KCNA7: variants seen among roughly 807,000 people sequenced by gnomAD.
The protein encoded by KCNA7 is potassium channel, voltage gated shaker related subfamily A, member 7.
KCNA7 carries 15 observed loss-of-function variants against 21.5 expected under a neutral mutation model. The observed-to-expected ratio is 0.70, with a 90% CI of 0.47 to 1.07. KCNA7 has a LOEUF of 1.07. Among genes scored for constraint, KCNA7 ranks in the 50% least tolerant of loss-of-function variants. KCNA7 has a pLI of 0.00. For missense variants in KCNA7, 640 were observed against 651.6 expected, an observed-to-expected ratio of 0.98 and a Z score of 0.19; for synonymous variants, 298 against 291.0, an observed-to-expected ratio of 1.02 and a Z score of -0.24.
At position 49,070,208 on chromosome 19, in the gene KCNA7, T is replaced by C. The variant is rs767165812; in HGVS notation, c.1226A>G (p.Glu409Gly). 3.7e-6 allele frequency: 6 copies of C among 1,614,200 alleles called. No homozygotes were observed. Among genetic ancestry groups the C allele is most frequent in the Middle Eastern group, 1.6e-4 (1 of 6,062 alleles). ...GTCCACATGGCTGAACATCCCAGCCTCTTCGCCCTCTGTCTCCCGGTGATA... is the reference window on the plus strand; with the variant it reads ...GTCCACATGGCTGAACATCCCAGCCCCTTCGCCCTCTGTCTCCCGGTGATA... ...YFYHRETEGEEAGMFSHVDMQ... is the reference protein window; with the variant it reads ...YFYHRETEGEGAGMFSHVDMQ... Residue 409 changes from glutamate to glycine, a missense_variant, in exon 2 of 2, where the codon GAG becomes GGG. Physicochemically the swap from Glu to Gly is moderately conservative, Grantham distance 98. Transcript: ENST00000221444. The surrounding 1 kb of genome is among the most constrained non-coding windows in gnomAD (Gnocchi z 4.3).
chr19:49,071,413 G>T (rs559466558), intron 1 of KCNA7, among the ~76,000 whole-genome samples: 1 of 151,976 alleles, frequency 6.6e-6, no homozygotes, highest in East Asian at 1.9e-4. Context: ...AAAATTAGCC[G>T]GGCGTGGTGG....
Position 49,072,266 on chromosome 19 carries a change from C to G in KCNA7, c.320G>C (p.Arg107Pro), listed in dbSNP as rs2040264747. Residue 107 changes from arginine to proline, a missense_variant, in exon 1 of 2, where the codon CGC becomes CCC. By Grantham distance (103) the Arg-to-Pro change is moderately radical. Coordinates refer to ENST00000221444, the MANE Select transcript of KCNA7 (RefSeq NM_031886.3). ...GLGAAALARL[R>P]EDEGCPVPPE... ...CGGCACCGGGCAGCCCTCGTCCTCG[C>G]GCAGGCGTGCCAGGGCCGCCGCGCC... 2 of 1,586,596 alleles carry G rather than the reference C, an allele frequency of 1.3e-6. No individual in the cohort carries two copies. Among genetic ancestry groups the G allele is most frequent in the East Asian group, 4.6e-5 (2 of 43,254 alleles).
Position 49,071,918 on chromosome 19 carries a change from C to T in KCNA7, c.555+113G>A, listed in dbSNP as rs1342136988. 6.1e-5 allele frequency: 46 copies of T among 754,558 alleles called. No individual in the cohort carries two copies. In the African/African-American group the frequency reaches 7.6e-4, roughly 12 times the overall value. 46.7% of individuals were successfully genotyped at this position (754,558 alleles called of 1,614,324 possible). ...CGCCTCCCGCCCACCCTGTCTTCGG[C>T]TGGCCCACCCCTCGCAGCCCCTGGC... On this transcript the variant is annotated intron_variant, in intron 1 of 1. Transcript: ENST00000221444.
rs12975537 is a variant in KCNA7, at chr19:49,070,108, A to T, written c.1326T>A (p.Pro442=). 7.7e-7 allele frequency: 1 copy of T among 1,294,352 alleles called. No homozygotes were observed. The highest frequency in any genetic ancestry group is 1.0e-6 in the Non-Finnish European group (1 of 965,458). The allele number at this position is 1,294,352 out of a possible 1,614,324, so 80.2% of individuals were successfully genotyped here. A position where few individuals can be genotyped will look rare whatever the true frequency, so the allele number is the denominator to read the frequency against. Residue 442 remains proline (P), a synonymous_variant, in exon 2 of 2, where the codon CCT becomes CCA. Coordinates refer to ENST00000221444, the MANE Select transcript of KCNA7 (RefSeq NM_031886.3). This position sits in a 1 kb window ranked among gnomAD's most constrained non-coding sequence, Gnocchi z 4.3. ...LVDGEVPELP[P]PLWAPPGKHL... ...GTTTCCCTGGGGGTGCCCAGAGTGG[A>T]GGTGGTAGCTCAGGTACCTCCCCGT...
Position 49,070,024 on chromosome 19 carries a change from T to G in KCNA7, c.*39A>C. 25 of 1,070,014 alleles carry G rather than the reference T, an allele frequency of 2.3e-5. No individual in the cohort carries two copies. Among genetic ancestry groups the G allele is most frequent in the Non-Finnish European group, 2.9e-5 (22 of 749,138 alleles). 66.3% of individuals were successfully genotyped at this position (1,070,014 alleles called of 1,614,324 possible). A position where few individuals can be genotyped will look rare whatever the true frequency, so the allele number is the denominator to read the frequency against. ...CTCCACCCTGCCCTCCCTCCCTCCC[T>G]CTAGGGAGGTGTGAGGTCCTGCAGA... On this transcript the variant is annotated 3_prime_UTR_variant, in exon 2 of 2. Transcript: ENST00000221444. The surrounding 1 kb of genome is among the most constrained non-coding windows in gnomAD (Gnocchi z 4.3).
At chr19:49,071,373 C>T (rs2040256416) in intron 1 of KCNA7, among the ~76,000 whole-genome samples, 2 of 151,990 alleles carry the variant, frequency 1.3e-5, no homozygotes, top group Non-Finnish European at 1.5e-5. Context: ...CTGGCCAACA[C>T]GGTGAAACCC....
rs1398988090 is a variant in KCNA7, at chr19:49,072,094, C to T, written c.492G>A (p.Thr164=). The change falls in exon 1 of 2, where the codon ACG becomes ACA. Residue 164 remains threonine (T), a synonymous_variant. Coordinates refer to ENST00000221444, the MANE Select transcript of KCNA7 (RefSeq NM_031886.3). ...LVSIVVFCLE[T]LPDFRDDRDG... is the part of the protein sequence containing the mutation. ...CGCGGTCGTCGCGGAAGTCAGGCAG[C>T]GTCTCGAGGCAGAAGACGACGATGG... 3.1e-6 allele frequency: 5 copies of T among 1,611,866 alleles called. No homozygotes were observed. The highest frequency in any genetic ancestry group is 2.2e-5 in the East Asian group (1 of 44,840).
At position 49,072,062 on chromosome 19, in the gene KCNA7, G is replaced by A; in HGVS notation, c.524C>T (p.Thr175Met). The A allele has an allele frequency of 6.2e-7, 1 of 1,608,546 alleles. No individual in the cohort carries two copies. Among genetic ancestry groups the A allele is most frequent in the East Asian group, 2.2e-5 (1 of 44,770 alleles). The stretch of plus-strand genomic sequence containing the variant: ...GGCTGCGGCTGCAGCAGCAAGCCCC[G>A]TGCCGTCGCGGTCGTCGCGGAAGTC... ...LPDFRDDRDGTGLAAAAAAGP... is the reference protein window; with the variant it reads ...LPDFRDDRDGMGLAAAAAAGP... The change falls in exon 1 of 2, where the codon ACG becomes ATG. Residue 175 changes from threonine to methionine, a missense_variant. By Grantham distance (81) the Thr-to-Met change is moderately conservative (BLOSUM62 -1). Transcript: ENST00000221444.
In KCNA7 at chr19:49,072,088, A is replaced by G. The variant is rs748946301; in HGVS notation, c.498T>C (p.Pro166=). 1.9e-6 allele frequency: 3 copies of G among 1,611,724 alleles called. No individual in the cohort carries two copies. The highest frequency in any genetic ancestry group is 2.5e-6 in the Non-Finnish European group (3 of 1,179,478). ...SIVVFCLETL[P]DFRDDRDGTG... ...TGCCGTCGCGGTCGTCGCGGAAGTC[A>G]GGCAGCGTCTCGAGGCAGAAGACGA... is the stretch of plus-strand genomic sequence containing the variant. Residue 166 remains proline (P), a synonymous_variant, in exon 1 of 2, where the codon CCT becomes CCC. Coordinates refer to ENST00000221444, the MANE Select transcript of KCNA7 (RefSeq NM_031886.3).
rs1424353263 is a variant in KCNA7, at chr19:49,072,657, C to T, written c.-72G>A. On this transcript the variant is annotated 5_prime_UTR_variant, in exon 1 of 2. Transcript: ENST00000221444. Reference sequence around the variant, plus strand: ...GCCCGGCCCCGGTGCGGCCCCGCCTCGGCCGCCTCGGCCGCCGCCGCCGCC... The same window carrying T: ...GCCCGGCCCCGGTGCGGCCCCGCCTTGGCCGCCTCGGCCGCCGCCGCCGCC... The T allele has an allele frequency of 2.4e-5, 23 of 940,676 alleles. No individual in the cohort carries two copies. The highest frequency in any genetic ancestry group is 3.6e-5 in the African/African-American group (2 of 55,738). 58.3% of individuals were successfully genotyped at this position (940,676 alleles called of 1,614,324 possible). A position where few individuals can be genotyped will look rare whatever the true frequency, so the allele number is the denominator to read the frequency against.
chr19:49,067,661 A>C lies in KCNA7; in HGVS notation c.*2402T>G, dbSNP rs1427642655. ...GCTGATGGGGACATGTGAAGCAGAC[A>C]GACAGCCTGCCTGGCCCCTGGGGAC... On this transcript the variant is annotated 3_prime_UTR_variant, in exon 2 of 2. Transcript: ENST00000221444. 1 of 152,186 alleles carries C rather than the reference A, an allele frequency of 6.6e-6. No homozygotes were observed. The highest frequency in any genetic ancestry group is 2.4e-5 in the African/African-American group (1 of 41,434). 9.4% of individuals were successfully genotyped at this position (152,186 alleles called of 1,614,324 possible). A position where few individuals can be genotyped will look rare whatever the true frequency, so the allele number is the denominator to read the frequency against.
At position 49,070,011 on chromosome 19, in the gene KCNA7, C is replaced by G; in HGVS notation, c.*52G>C. 7.1e-7 allele frequency: 1 copy of G among 1,401,714 alleles called. No individual in the cohort carries two copies. Among genetic ancestry groups the G allele is most frequent in the Non-Finnish European group, 9.8e-7 (1 of 1,019,944 alleles). 86.8% of individuals were successfully genotyped at this position (1,401,714 alleles called of 1,614,324 possible). ...CCCCAGCCTTGCCCTCCACCCTGCCCTCCCTCCCTCCCTCTAGGGAGGTGT... is the reference window on the plus strand; with the variant it reads ...CCCCAGCCTTGCCCTCCACCCTGCCGTCCCTCCCTCCCTCTAGGGAGGTGT... On this transcript the variant is annotated 3_prime_UTR_variant, in exon 2 of 2. Transcript: ENST00000221444. The surrounding 1 kb of genome is among the most constrained non-coding windows in gnomAD (Gnocchi z 4.3).
Position 49,070,943 on chromosome 19 carries a change from A to T in KCNA7, c.556-65T>A, listed in dbSNP as rs1168091642. 3 of 1,335,640 alleles carry T rather than the reference A, an allele frequency of 2.2e-6. No individual in the cohort carries two copies. In the African/African-American group the frequency reaches 4.4e-5, roughly 20 times the overall value. 82.7% of individuals were successfully genotyped at this position (1,335,640 alleles called of 1,614,324 possible). On this transcript the variant is annotated intron_variant, in intron 1 of 1. Transcript: ENST00000221444. The surrounding 1 kb of genome is among the most constrained non-coding windows in gnomAD (Gnocchi z 4.3). Reference sequence around the variant, plus strand: ...CTAGGACACGGGGACAGCCTTAATCATCATTTAAATACCCAGCTCCTCTTT... The same window carrying T: ...CTAGGACACGGGGACAGCCTTAATCTTCATTTAAATACCCAGCTCCTCTTT...
In KCNA7 at chr19:49,070,192, G is replaced by A; in HGVS notation, c.1242C>T (p.Ser414=). The A allele has an allele frequency of 1.9e-6, 3 of 1,614,198 alleles. No individual in the cohort carries two copies. The highest frequency in any genetic ancestry group is 1.3e-5 in the African/African-American group (1 of 75,052). Residue 414 remains serine, a synonymous_variant, in exon 2 of 2, where the codon AGC becomes AGT. Transcript: ENST00000221444. This position sits in a 1 kb window ranked among gnomAD's most constrained non-coding sequence, Gnocchi z 4.3. Reference sequence around the variant, plus strand: ...GGCCACAAGGCTGCATGTCCACATGGCTGAACATCCCAGCCTCTTCGCCCT... The same window carrying A: ...GGCCACAAGGCTGCATGTCCACATGACTGAACATCCCAGCCTCTTCGCCCT... ...ETEGEEAGMF[S]HVDMQPCGPL... is the part of the protein sequence containing the mutation.
Position 49,070,248 on chromosome 19 carries a change from T to A in KCNA7, c.1186A>T (p.Asn396Tyr). ...TCCCGGTGATAAAAGTAGCTGAAAT[T>A]GGAGACAATGACGGGCACTGGCAGG... ...ISLPVPVIVS[N>Y]FSYFYHRETE... Residue 396 changes from asparagine (N) to tyrosine (Y), a missense_variant, in exon 2 of 2, where the codon AAT (asparagine) becomes TAT (tyrosine). Physicochemically the swap from Asn to Tyr is moderately radical, Grantham distance 143. Coordinates refer to ENST00000221444, the MANE Select transcript of KCNA7 (RefSeq NM_031886.3). The surrounding 1 kb of genome is among the most constrained non-coding windows in gnomAD (Gnocchi z 4.3). 1.2e-6 allele frequency: 2 copies of A among 1,614,144 alleles called. No individual in the cohort carries two copies. The highest frequency in any genetic ancestry group is 1.7e-6 in the Non-Finnish European group (2 of 1,180,026).
Position 49,070,287 on chromosome 19 carries a change from C to A in KCNA7, c.1147G>T (p.Val383Leu), listed in dbSNP as rs773591235. Residue 383 changes from valine (V) to leucine (L), a missense_variant, in exon 2 of 2, where the codon GTG (valine) becomes TTG (leucine). Physicochemically the swap from Val to Leu is conservative, Grantham distance 32 (BLOSUM62 1). Transcript: ENST00000221444. This position sits in a 1 kb window ranked among gnomAD's most constrained non-coding sequence, Gnocchi z 4.3. Reference protein sequence around the residue: ...IVGSLCAIAGVLTISLPVPVI... With the variant: ...IVGSLCAIAGLLTISLPVPVI... The stretch of plus-strand genomic sequence containing the variant: ...GGCACTGGCAGGGAAATAGTCAGCA[C>A]GCCCGCAATGGCACACAGAGAGCCC... 8 of 1,614,162 alleles carry A rather than the reference C, an allele frequency of 5.0e-6. No individual in the cohort carries two copies. The highest frequency in any genetic ancestry group is 1.7e-5 in the Admixed American group (1 of 60,018).
chr19:49,071,080 C>G (rs1177040138), intron 1 of KCNA7, among the ~76,000 whole-genome samples: 1 of 152,136 alleles, frequency 6.6e-6, no homozygotes, highest in Non-Finnish European at 1.5e-5. Flanking sequence ...GGTTGCCTGA[C>G]CTGGTGGGTG....
rs779435830 is a variant in KCNA7 at position 49,072,258 on chromosome 19, C to A, written c.328G>T (p.Glu110Ter). 1.4e-5 allele frequency: 23 copies of A among 1,586,894 alleles called. No homozygotes were observed. The highest frequency in any genetic ancestry group is 5.3e-5 in the Admixed American group (3 of 57,032). ...AAALARLREDEGCPVPPERPL... is the reference protein window; with the variant it reads ...AAALARLRED The stretch of plus-strand genomic sequence containing the variant: ...CGCTCGGGCGGCACCGGGCAGCCCT[C>A]GTCCTCGCGCAGGCGTGCCAGGGCC... The change falls in exon 1 of 2, where the codon GAG (glutamate) becomes TAG (stop). Residue 110 changes from glutamate to a stop codon, truncating the protein, a stop_gained. Transcript: ENST00000221444. LOFTEE classifies it high-confidence loss of function.
In KCNA7 at chr19:49,069,517, A is replaced by C. The variant is rs1431948286; in HGVS notation, c.*546T>G. On this transcript the variant is annotated 3_prime_UTR_variant, in exon 2 of 2. Coordinates refer to ENST00000221444, the MANE Select transcript of KCNA7 (RefSeq NM_031886.3). ...ATGACTCGCAAGTTCACAGAACCTA[A>C]AATAACATGCCCCTGGAAGAATCAC... 2 of 153,476 alleles carry C rather than the reference A, an allele frequency of 1.3e-5. No individual in the cohort carries two copies. Among genetic ancestry groups the C allele is most frequent in the African/African-American group, 4.8e-5 (2 of 41,440 alleles). 9.5% of individuals were successfully genotyped at this position (153,476 alleles called of 1,614,324 possible). A position where few individuals can be genotyped will look rare whatever the true frequency, so the allele number is the denominator to read the frequency against.
Sources: allele counts gnomAD v4.1 joint callset (sites outside exome capture counted in the v4.1 genomes callset), GRCh38; gene constraint gnomAD v4.1.1; non-coding constraint Gnocchi (gnomAD v3.1); transcripts MANE v1.5; gene names NCBI Gene and HGNC (gene_info 2026-07-23, HGNC 2026-07-21).